ZNF821: variants seen among roughly 807,000 people sequenced by gnomAD.
The protein encoded by ZNF821 is zinc finger protein 821.
Under a neutral mutation model 44.3 loss-of-function variants are expected in ZNF821, and 16 were observed. That is an observed-to-expected ratio of 0.36 (90% CI 0.24 to 0.55). The LOEUF (loss-of-function observed/expected upper bound fraction) is 0.55. ZNF821 is among the 20% of genes least tolerant of loss of function. ZNF821 has a pLI of 0.86. For missense variants in ZNF821, 436 were observed against 547.6 expected, an observed-to-expected ratio of 0.80 and a Z score of 2.03; for synonymous variants, 204 against 197.6, an observed-to-expected ratio of 1.03 and a Z score of -0.27.
At chr16:71,869,040 G>A (rs2142389267) in intron 3 of ZNF821, among the ~76,000 whole-genome samples, 1 of 152,172 alleles carries the variant, frequency 6.6e-6, no homozygotes, top group South Asian at 2.1e-4. Flanking sequence ...CATGAACTCT[G>A]CTTGGGATCC....
chr16:71,892,369 C>G (rs1279263210), intron 1 of ZNF821, among the ~76,000 whole-genome samples: 42 of 149,468 alleles, frequency 2.8e-4, no homozygotes, highest in African/African-American at 1.0e-3. Context: ...CGGGTTCACA[C>G]CATTCTCCTG....
intron 1 of ZNF821, chr16:71,883,608 CGCCGGGGCCGTCCCCGCCGGGG>C (rs1481541804): frequency 1.3e-5 from 2 of 152,614 alleles, no homozygotes; most frequent in African/African-American, 4.8e-5. Context: ...GGCTGTCAGA[CGCCGGGGCCGTCCCCGCCGGGG>C]CCCGAGGAGG....
chr16:71,888,573 A>C (rs902948794), upstream of ZNF821, among the ~76,000 whole-genome samples: 5 of 152,140 alleles, frequency 3.3e-5, no homozygotes, highest in African/African-American at 1.2e-4. Flanking sequence ...GTTGAGAATC[A>C]ATTGGTTATA....
exon 1 of ZNF821, chr16:71,894,961 G>C (rs781526531): frequency 4.7e-6 from 4 of 850,128 alleles, no homozygotes; most frequent in Non-Finnish European, 7.5e-6. Flanking sequence ...ACACAGACCG[G>C]AGCGATGCTG....
chr16:71,894,975 C>T, exon 1 of ZNF821: 1 of 738,116 alleles, frequency 1.4e-6, no homozygotes, highest in South Asian at 1.6e-5. Flanking sequence ...GATGCTGGTC[C>T]AAAGGGCAAC....
At chr16:71,870,666 G>C (rs2142399277) in intron 3 of ZNF821, among the ~76,000 whole-genome samples, 1 of 152,140 alleles carries the variant, frequency 6.6e-6, no homozygotes, top group East Asian at 1.9e-4. Context: ...TTTTAGTAGA[G>C]ATGGGGTTTC....
chr16:71,876,124 T>C (rs1669585259), intron 3 of ZNF821, among the ~76,000 whole-genome samples: 2 of 152,228 alleles, frequency 1.3e-5, no homozygotes, highest in Admixed American at 1.3e-4. Flanking sequence ...CCAACTCCTA[T>C]ACTTGCCTTG....
At chr16:71,862,885 C>T (rs1285781626) in intron 6 of ZNF821, among the ~76,000 whole-genome samples, 2 of 152,036 alleles carry the variant, frequency 1.3e-5, no homozygotes, top group African/African-American at 4.8e-5. Context: ...TTTAACATAC[C>T]ATTTGTGTTA....
At chr16:71,886,547 A>G (rs2036854489), upstream of ZNF821, among the ~76,000 whole-genome samples, 3 of 152,186 alleles carry the variant, frequency 2.0e-5, no homozygotes, top group South Asian at 6.2e-4. Flanking sequence ...TCCACTTGAA[A>G]TATCTTCCTA....
chr16:71,876,954 T>A (rs1202512032), intron 3 of ZNF821, among the ~76,000 whole-genome samples: 1 of 152,192 alleles, frequency 6.6e-6, no homozygotes, highest in Non-Finnish European at 1.5e-5. Flanking sequence ...GCAAGCCCAC[T>A]GCATTTTGCT....
chr16:71,884,429 CA>C (rs1316927619), upstream of ZNF821, among the ~76,000 whole-genome samples: 1 of 152,074 alleles, frequency 6.6e-6, no homozygotes, highest in Non-Finnish European at 1.5e-5. Flanking sequence ...CTCAGCCGCT[CA>C]GCTCCCCCAG....
At chr16:71,885,245 A>G (rs2036805437), upstream of ZNF821, 1 of 152,442 alleles carries the variant, frequency 6.6e-6, no homozygotes, top group Non-Finnish European at 1.5e-5. Context: ...CCTCTCTTCT[A>G]GAATGCCTGA....
Position 71,861,757 on chromosome 16 carries a change from G to A in ZNF821, c.584+19C>T, listed in dbSNP as rs1323099498. The A allele has an allele frequency of 2.5e-6, 4 of 1,613,012 alleles. No homozygotes were observed. Among genetic ancestry groups the A allele is most frequent in the Non-Finnish European group, 3.4e-6 (4 of 1,179,844 alleles). ...CAGTAATTTGCTCCCAGCACAACAG[G>A]GATAAGTGCCCAGCTGACCTGTTAA... On this transcript the variant is annotated intron_variant, in intron 7 of 7. Coordinates refer to ENST00000425432, the MANE Select transcript of ZNF821 (RefSeq NM_001201552.2).
At chr16:71,891,020 C>T (rs187934332) in intron 1 of ZNF821, among the ~76,000 whole-genome samples, 3 of 150,880 alleles carry the variant, frequency 2.0e-5, no homozygotes, top group Admixed American at 2.0e-4. Context: ...GTGATCCGCC[C>T]GCCTCACCCT....
chr16:71,891,425 C>G (rs2036884851), intron 1 of ZNF821: 1 of 152,224 alleles, frequency 6.6e-6, no homozygotes, highest in Admixed American at 6.5e-5. Context: ...CTCAGAGATA[C>G]TGTTTCGAAT....
chr16:71,882,938 C>G (rs1403710736), intron 2 of ZNF821, among the ~76,000 whole-genome samples: 1 of 152,090 alleles, frequency 6.6e-6, no homozygotes, highest in Non-Finnish European at 1.5e-5. Context: ...CAAACCAAAC[C>G]AAAAATGTAA....
At chr16:71,882,974 G>A (rs1489855553) in intron 2 of ZNF821, 1 of 347,612 alleles carries the variant, frequency 2.9e-6, no homozygotes, top group Non-Finnish European at 5.8e-6. Context: ...AACATGGGCT[G>A]GGAAGACAGG....
intron 5 of ZNF821, 88 bp from the exon 6 acceptor site, chr16:71,864,330 G>C: frequency 8.8e-7 from 1 of 1,139,770 alleles, no homozygotes; most frequent in Non-Finnish European, 1.3e-6. Flanking sequence ...CCTGTTAAAA[G>C]GAACCCAGAC....
At chr16:71,875,691 T>C (rs1432840371) in intron 3 of ZNF821, among the ~76,000 whole-genome samples, 1 of 152,044 alleles carries the variant, frequency 6.6e-6, no homozygotes, top group Admixed American at 6.6e-5. Context: ...CTCGATCTCC[T>C]GACCTCGTGA....
Sources: gnomAD v4.1 joint callset for allele counts (sites outside exome capture counted in the v4.1 genomes callset) on GRCh38, gnomAD v4.1.1 for gene constraint, MANE v1.5 for transcripts, NCBI Gene and HGNC (gene_info 2026-07-23, HGNC 2026-07-21) for gene names.